MED16: variants seen among roughly 807,000 people sequenced by gnomAD.
MED16 encodes mediator of RNA polymerase II transcription subunit 16.
In MED16, 81 loss-of-function variants were observed where a neutral mutation model predicts 84.4. The observed-to-expected ratio is 0.96, with a 90% CI of 0.80 to 1.15. The LOEUF (loss-of-function observed/expected upper bound fraction) is 1.15. MED16 is among the 50% of genes most tolerant of loss of function. MED16 has a pLI of 0.00. For synonymous variants in MED16, 897 were observed against 552.2 expected, an observed-to-expected ratio of 1.62 and a Z score of -8.76; for missense variants, 1,585 against 1,245.9, an observed-to-expected ratio of 1.27 and a Z score of -4.10.
chr19:879,585 C>G (rs866014448), intron 8 of MED16, among the ~76,000 whole-genome samples: 67 of 103,232 alleles, frequency 6.5e-4, no homozygotes, highest in South Asian at 1.2e-3. Flanking sequence ...CAATGCCCAG[C>G]AGCTCACCTT....
At chr19:876,559 C>T (rs2036235689) in intron 9 of MED16, among the ~76,000 whole-genome samples, 1 of 152,072 alleles carries the variant, frequency 6.6e-6, no homozygotes, top group South Asian at 2.1e-4. Context: ...AGAAACTTCC[C>T]AGGTAAGGAA....
At chr19:875,195 T>TA (rs1216714464) in intron 10 of MED16, 49 bp downstream of exon 10, 4 of 1,243,112 alleles carry the variant, frequency 3.2e-6, no homozygotes, top group East Asian at 4.9e-5. Context: ...AAAAATAAAA[T>TA]AAATAGATGA....
intron 12 of MED16, 104 bp from the exon 13 acceptor site, chr19:871,357 G>C (rs2036049345): frequency 7.3e-7 from 1 of 1,360,840 alleles, no homozygotes; most frequent in Non-Finnish European, 9.9e-7. Context: ...CCAGGTCAGG[G>C]CCCCAGCTCT....
intron 11 of MED16, chr19:872,808 G>T: frequency 7.1e-6 from 2 of 279,726 alleles, no homozygotes; most frequent in Non-Finnish European, 1.1e-5. Context: ...GCAGAAGCAA[G>T]GCGAACCGGC....
At chr19:881,751 G>A in intron 6 of MED16, 37 bp from the exon 7 acceptor site, 3 of 1,597,144 alleles carry the variant, frequency 1.9e-6, no homozygotes, top group South Asian at 2.2e-5. Context: ...GAAGGCAATG[G>A]AGTAAAGACA....
intron 3 of MED16, 78 bp from the exon 4 acceptor site, chr19:889,885 G>C (rs919525626): frequency 2.7e-6 from 4 of 1,486,936 alleles, no homozygotes; most frequent in Non-Finnish European, 2.7e-6. Flanking sequence ...CAGCGCCTGG[G>C]GGAAGCCAGC....
In MED16 at chr19:875,201, G is replaced by A. The variant is rs765513401; in HGVS notation, c.1771+43C>T. 3.1e-6 allele frequency: 4 copies of A among 1,290,776 alleles called. No individual in the cohort carries two copies. In the African/African-American group the frequency reaches 4.5e-5, roughly 15 times the overall value. 80.0% of individuals were successfully genotyped at this position (1,290,776 alleles called of 1,614,324 possible). A position where few individuals can be genotyped will look rare whatever the true frequency, so the allele number is the denominator to read the frequency against. ...AAAATAAATAAAAATAAAATAAATA[G>A]ATGAAAGAAACCTCGAGGCCCCGGG... On this transcript the variant is annotated intron_variant, in intron 10 of 15. Coordinates refer to ENST00000325464, the MANE Select transcript of MED16 (RefSeq NM_005481.3).
At position 871,557 on chromosome 19, in the gene MED16, C is replaced by T. The variant is rs188339630; in HGVS notation, c.2099-304G>A. The T allele has an allele frequency of 2.7e-4, 432 of 1,591,092 alleles. 4 individuals are homozygous for T. In the African/African-American group the frequency reaches 4.9e-3, roughly 18 times the overall value. On this transcript the variant is annotated intron_variant, in intron 12 of 15. Transcript: ENST00000325464. The stretch of plus-strand genomic sequence containing the variant: ...TGGGATGTAAGAATGACACAGCTCA[C>T]CCTCCTCACATACACACAACCCGAC...
At chr19:872,777 T>A (rs2036113054) in intron 11 of MED16, 1 of 176,126 alleles carries the variant, frequency 5.7e-6, no homozygotes, top group Non-Finnish European at 1.1e-5. Context: ...CTGGGGAGGG[T>A]AAGGGGTGGG....
intron 5 of MED16, 29 bp from the exon 6 acceptor site, chr19:885,037 C>A (rs1277830479): frequency 3.2e-6 from 5 of 1,539,620 alleles, no homozygotes; most frequent in Non-Finnish European, 4.4e-6. Flanking sequence ...TGAGGGCTGA[C>A]CCGGCACTGC....
Position 871,121 on chromosome 19 carries a change from G to A in MED16, c.2231C>T (p.Pro744Leu), listed in dbSNP as rs751092708. 10 of 1,548,506 alleles carry A rather than the reference G, an allele frequency of 6.5e-6. No individual in the cohort carries two copies. The highest frequency in any genetic ancestry group is 1.4e-5 in the African/African-American group (1 of 73,022). The change falls in exon 13 of 16, where the codon CCC (proline) becomes CTC (leucine). Residue 744 changes from proline to leucine, a missense_variant. Transcript: ENST00000325464. Reference protein sequence around the residue: ...ASDGLVSRLQPKQPLRLQFGR... With the variant: ...ASDGLVSRLQLKQPLRLQFGR... ...AAACTGCAGACGAAGGGGCTGCTTG[G>A]GCTGCAGGCGGCTAACCAGGCCGTC... is the stretch of plus-strand genomic sequence containing the variant.
In MED16 at chr19:884,907, G is replaced by A. The variant is rs146721272; in HGVS notation, c.981C>T (p.Pro327=). 344 of 1,605,544 alleles carry A rather than the reference G, an allele frequency of 2.1e-4. No individual in the cohort carries two copies. Among genetic ancestry groups the A allele is most frequent in the Middle Eastern group, 5.0e-4 (3 of 6,052 alleles). ...CGCAGCCGGCGGGAGACTCACCCAC[G>A]GGGGAGATCTGCTGGAAGATGTTGT... ...PVNNIFQQIS[P]VVGDKQPTIL... The change falls in exon 6 of 16, where the codon CCC becomes CCT. Residue 327 remains proline (P), a synonymous_variant. Transcript: ENST00000325464.
At chr19:892,711 C>G (rs2036662903) in intron 1 of MED16, 1 of 152,804 alleles carries the variant, frequency 6.5e-6, no homozygotes, top group African/African-American at 2.4e-5. Flanking sequence ...TCTACAGCCC[C>G]CCAGTCCCCA....
intron 4 of MED16, 125 bp from the exon 5 acceptor site, chr19:886,326 C>T (rs1226129172): frequency 2.5e-6 from 2 of 806,904 alleles, no homozygotes; most frequent in East Asian, 2.9e-5. Context: ...GGGTTCAGAT[C>T]CTGACTCGGC....
intron 2 of MED16, chr19:890,507 C>T (rs904833313): frequency 9.1e-5 from 38 of 417,340 alleles, no homozygotes; most frequent in African/African-American, 7.4e-4. Context: ...CTCTCCACAG[C>T]AGATAATAGG....
At position 877,090 on chromosome 19, in the gene MED16, TG is replaced by T; in HGVS notation, c.1443del (p.Cys481Ter). 1.2e-6 allele frequency: 2 copies of T among 1,612,662 alleles called. No homozygotes were observed. Among genetic ancestry groups the T allele is most frequent in the Non-Finnish European group, 8.5e-7 (1 of 1,179,892 alleles). ...TCCCACCAGTCGTAGCCGGTCACCA[TG>T]CAGTACTCCAGCAGGAAGAGCAGGT... The part of the protein sequence containing the change: ...LRHLLFLLEY[C>X]MVTGYDWWDI... On this transcript the variant is annotated frameshift_variant, in exon 9 of 16. Transcript: ENST00000325464. LOFTEE classifies it high-confidence loss of function.
chr19:876,722 C>A (rs1452587948), intron 9 of MED16, among the ~76,000 whole-genome samples: 3 of 152,120 alleles, frequency 2.0e-5, no homozygotes, highest in African/African-American at 4.8e-5. Context: ...CCAGCTGCCA[C>A]AACCCCCACA....
chr19:878,162 G>C (rs1352284137), intron 8 of MED16, among the ~76,000 whole-genome samples: 4 of 125,998 alleles, frequency 3.2e-5, no homozygotes, highest in African/African-American at 1.2e-4. Context: ...CCTTCCCGTG[G>C]TTGTCAATGC....
chr19:872,257 G>A, intron 11 of MED16, 139 bp from the exon 12 acceptor site: 2 of 664,858 alleles, frequency 3.0e-6, no homozygotes, highest in South Asian at 2.1e-5. Flanking sequence ...GGACTGGGGT[G>A]CTTCTGGCAC....
Sources: allele counts gnomAD v4.1 joint callset (sites outside exome capture counted in the v4.1 genomes callset), GRCh38; gene constraint gnomAD v4.1.1; transcripts MANE v1.5; gene names NCBI Gene and HGNC (gene_info 2026-07-23, HGNC 2026-07-21).